The following USP14 variants were observed in gnomAD, a reference collection of about 807,000 sequenced individuals.
USP14 encodes the protein ubiquitin specific peptidase 14.
In USP14, 38 loss-of-function variants were observed where a neutral mutation model predicts 76.5. The ratio of observed to expected loss-of-function variants is 0.50; its 90% CI spans 0.38 to 0.65. The LOEUF is 0.65. Among genes scored for constraint, USP14 ranks in the 30% least tolerant of loss-of-function variants. The pLI, the probability that USP14 is intolerant of heterozygous loss-of-function variation, is 0.00. For synonymous variants in USP14, 192 were observed against 191.7 expected (o/e 1.00, Z -0.01); for missense variants, 467 against 586.5 (o/e 0.80, Z 2.10).
chr18:204,968 A>C, intron 13 of USP14, among the ~76,000 whole-genome samples: 1 of 150,440 alleles, frequency 6.6e-6, no homozygotes. Flanking sequence ...TCAACCTCCC[A>C]GGCGCAAATG....
At position 214,463 on chromosome 18, in the gene USP14, T is replaced by C; in HGVS notation, c.*3179T>C. 1 of 606,034 alleles carries C rather than the reference T, an allele frequency of 1.7e-6. No individual in the cohort carries two copies. Among genetic ancestry groups the C allele is most frequent in the South Asian group, 2.3e-5 (1 of 43,166 alleles). 37.5% of individuals were successfully genotyped at this position (606,034 alleles called of 1,614,324 possible). On this transcript the variant is annotated 3_prime_UTR_variant, in exon 16 of 16. Coordinates refer to ENST00000261601, the MANE Select transcript of USP14 (RefSeq NM_005151.4). Reference sequence around the variant, plus strand: ...ATCTCAACCCAACCTCCCCAAACTCTGGTTTGAGCCAATATGTGTTCTATT... The same window carrying C: ...ATCTCAACCCAACCTCCCCAAACTCCGGTTTGAGCCAATATGTGTTCTATT...
intron 3 of USP14, among the ~76,000 whole-genome samples, chr18:178,618 A>G (rs796522884): frequency 3.9e-5 from 6 of 152,318 alleles, no homozygotes; most frequent in African/African-American, 1.4e-4. Context: ...GGCCTCAAAC[A>G]GCCACCCCAG....
At position 211,109 on chromosome 18, in the gene USP14, C is replaced by T. The variant is rs374208209; in HGVS notation, c.1334-24C>T. On this transcript the variant is annotated intron_variant, in intron 15 of 15. Coordinates refer to ENST00000261601, the MANE Select transcript of USP14 (RefSeq NM_005151.4). The stretch of plus-strand genomic sequence containing the variant: ...AGACGAATCCTGCATAACATTAATT[C>T]ATCTTCTTGTCCCTGTTATTTAGAT... The T allele has an allele frequency of 3.7e-6, 6 of 1,601,782 alleles. No homozygotes were observed. The African/African-American group carries it at 6.7e-5, about 18-fold the overall frequency.
Position 163,375 on chromosome 18 carries a change from A to G in USP14, c.84A>G (p.Val28=). The G allele has an allele frequency of 6.2e-7, 1 of 1,614,168 alleles. No homozygotes were observed. The highest frequency in any genetic ancestry group is 2.2e-5 in the East Asian group (1 of 44,884). The change falls in exon 2 of 16, where the codon GTA becomes GTG. Residue 28 remains valine, a synonymous_variant. Coordinates refer to ENST00000261601, the MANE Select transcript of USP14 (RefSeq NM_005151.4). ...VELNTDEPPM[V]FKAQLFALTG... ...TGAATACAGATGAACCTCCAATGGT[A>G]TTCAAGGCTCAGCTGTTTGCGTTGA... is the stretch of plus-strand genomic sequence containing the variant.
intron 5 of USP14, among the ~76,000 whole-genome samples, chr18:192,167 T>A (rs557483835): frequency 6.0e-5 from 8 of 134,002 alleles, no homozygotes; most frequent in Non-Finnish European, 1.2e-4. Flanking sequence ...TTTGATTGAA[T>A]GTTTTTGATC....
intron 3 of USP14, among the ~76,000 whole-genome samples, chr18:174,166 T>C (rs909701314): frequency 1.3e-5 from 2 of 152,228 alleles, no homozygotes; most frequent in African/African-American, 4.8e-5. Context: ...TTGAGTCTTC[T>C]AACTTACAAA....
At chr18:158,888 A>T in intron 1 of USP14, 174 bp downstream of exon 1, 1 of 1,087,336 alleles carries the variant, frequency 9.2e-7, no homozygotes, top group Non-Finnish European at 1.2e-6. Flanking sequence ...GCTGGGTCGG[A>T]GCCCTGCGTG....
intron 3 of USP14, among the ~76,000 whole-genome samples, chr18:169,452 G>T (rs1881938893): frequency 6.6e-6 from 1 of 150,902 alleles, no homozygotes; most frequent in South Asian, 2.1e-4. Context: ...ATTTTGTTAA[G>T]TGTTTTTTCT....
Position 210,404 on chromosome 18 carries a change from G to T in USP14, c.1244G>T (p.Cys415Phe), listed in dbSNP as rs1391471825. ...TCTTTAGATATTGGCTCCAATAATT[G>T]TGGATACTATGACTTACAAGCAGTA... The part of the protein sequence containing the change: ...SFADDIGSNN[C>F]GYYDLQAVLT... Residue 415 changes from cysteine (C) to phenylalanine (F), a missense_variant, in exon 15 of 16, where the codon TGT (cysteine) becomes TTT (phenylalanine). Transcript: ENST00000261601. 6.2e-7 allele frequency: 1 copy of T among 1,606,810 alleles called. No individual in the cohort carries two copies. The highest frequency in any genetic ancestry group is 8.5e-7 in the Non-Finnish European group (1 of 1,177,074).
At chr18:160,626 T>C (rs1909091054) in intron 1 of USP14, among the ~76,000 whole-genome samples, 1 of 152,256 alleles carries the variant, frequency 6.6e-6, no homozygotes, top group Non-Finnish European at 1.5e-5. Flanking sequence ...ATAATTCCTC[T>C]TGTAAGCATG....
At position 198,109 on chromosome 18, in the gene USP14, C is replaced by T. The variant is rs1229943502; in HGVS notation, c.738C>T (p.Phe246=). 2 of 1,609,468 alleles carry T rather than the reference C, an allele frequency of 1.2e-6. No individual in the cohort carries two copies. Among genetic ancestry groups the T allele is most frequent in the African/African-American group, 2.7e-5 (2 of 74,878 alleles). The change falls in exon 9 of 16, where the codon TTC becomes TTT. Residue 246 remains phenylalanine (F), a synonymous_variant. Coordinates refer to ENST00000261601, the MANE Select transcript of USP14 (RefSeq NM_005151.4). ...AAAAGAAAAGTTTAATCGATCAGTTCTTCGGTGTTGAGTTTGAAACTACGT... is the reference window on the plus strand; with the variant it reads ...AAAAGAAAAGTTTAATCGATCAGTTTTTCGGTGTTGAGTTTGAAACTACGT... ...PSKKKSLIDQ[F]FGVEFETTMK...
chr18:210,595 CT>C, intron 15 of USP14, 102 bp downstream of exon 15: 1 of 714,064 alleles, frequency 1.4e-6, no homozygotes, highest in Non-Finnish European at 2.1e-6. Flanking sequence ...CTCAGAACCA[CT>C]TTACATTCTT....
chr18:212,069 T>C lies in USP14; in HGVS notation c.*785T>C, dbSNP rs370293227. 2.6e-5 allele frequency: 4 copies of C among 152,358 alleles called. No individual in the cohort carries two copies. Among genetic ancestry groups the C allele is most frequent in the South Asian group, 4.1e-4 (2 of 4,828 alleles). 9.4% of individuals were successfully genotyped at this position (152,358 alleles called of 1,614,324 possible). A position where few individuals can be genotyped will look rare whatever the true frequency, so the allele number is the denominator to read the frequency against. On this transcript the variant is annotated 3_prime_UTR_variant, in exon 16 of 16. Coordinates refer to ENST00000261601, the MANE Select transcript of USP14 (RefSeq NM_005151.4). ...TAATAGCTTTTGACCTCAAGTCTTT[T>C]GTCTTCTGAGTGTTGGAGCTTGGCT...
chr18:178,101 G>A (rs1284679549), intron 3 of USP14, among the ~76,000 whole-genome samples: 1 of 152,120 alleles, frequency 6.6e-6, no homozygotes. Flanking sequence ...GCTCACCACA[G>A]CCTCAACCTC....
chr18:197,939 T>G, intron 8 of USP14, 108 bp from the exon 9 acceptor site: 1 of 944,630 alleles, frequency 1.1e-6, no homozygotes, highest in Non-Finnish European at 1.5e-6. Context: ...GATTTTACTG[T>G]AAGGGACTAC....
intron 3 of USP14, among the ~76,000 whole-genome samples, chr18:174,762 G>A (rs1909581175): frequency 1.3e-5 from 2 of 151,926 alleles, no homozygotes; most frequent in Admixed American, 6.6e-5. Flanking sequence ...GCACCATTGT[G>A]CTTGGCTAAT....
In USP14 at chr18:178,944, A is replaced by ACT; in HGVS notation, c.208_209dup (p.Met71Ter). 6.2e-7 allele frequency: 1 copy of ACT among 1,610,644 alleles called. No homozygotes were observed. Among genetic ancestry groups the ACT allele is most frequent in the Non-Finnish European group, 8.5e-7 (1 of 1,178,730 alleles). On this transcript the variant is annotated frameshift_variant, in exon 4 of 16. Transcript: ENST00000261601. LOFTEE classifies it high-confidence loss of function. The stretch of plus-strand genomic sequence containing the variant: ...TTTTTTAAAAACAGGGAATGACTCT[A>ACT]CTAATGATGGGGTCAGCAGATGCTC...
At chr18:173,000 T>C (rs1017915588) in intron 3 of USP14, among the ~76,000 whole-genome samples, 1 of 152,236 alleles carries the variant, frequency 6.6e-6, no homozygotes, top group Admixed American at 6.5e-5. Context: ...TGATTTGTAC[T>C]ATGTTGTAAG....
chr18:209,112 A>T, intron 13 of USP14, among the ~76,000 whole-genome samples: 1 of 144,724 alleles, frequency 6.9e-6, no homozygotes, highest in Non-Finnish European at 1.6e-5. Context: ...TGCTTTTTTG[A>T]TGTTTTGCCT....
Sources: gnomAD v4.1 joint callset for allele counts (sites outside exome capture counted in the v4.1 genomes callset) on GRCh38, gnomAD v4.1.1 for gene constraint, MANE v1.5 for transcripts, NCBI Gene and HGNC (gene_info 2026-07-23, HGNC 2026-07-21) for gene names.